EBF3: variants seen among roughly 807,000 people sequenced by gnomAD.
The protein encoded by EBF3 is transcription factor COE3.
EBF3 carries 18 observed loss-of-function variants against 77.1 expected under a neutral mutation model. The observed-to-expected ratio is 0.23, with a 90% CI of 0.16 to 0.35. EBF3 has a LOEUF of 0.35. EBF3 is among the 10% of genes least tolerant of loss of function. The pLI is 1.00. For synonymous variants in EBF3, 350 were observed against 343.5 expected (o/e 1.02, Z -0.21); for missense variants, 558 against 860.0 (o/e 0.65, Z 4.39).
At chr10:129,890,004 G>A (rs71476184) in intron 6 of EBF3, among the ~76,000 whole-genome samples, 1 of 123,752 alleles carries the variant, frequency 8.1e-6, no homozygotes, top group African/African-American at 3.2e-5. Flanking sequence ...ACTTCCCTGA[G>A]AGTCAAAAGC....
chr10:129,923,213 G>A (rs1227511459), intron 6 of EBF3, among the ~76,000 whole-genome samples: 1 of 152,186 alleles, frequency 6.6e-6, no homozygotes, highest in Admixed American at 6.5e-5. Context: ...TGAAGCACTC[G>A]GTGACAGAAG....
chr10:129,958,702 G>T (rs1043263015), intron 5 of EBF3, among the ~76,000 whole-genome samples: 1 of 152,150 alleles, frequency 6.6e-6, no homozygotes, highest in African/African-American at 2.4e-5. Flanking sequence ...GCAACGACAC[G>T]GCCCACATAT....
At chr10:129,942,849 G>C (rs1253566975) in intron 6 of EBF3, among the ~76,000 whole-genome samples, 1 of 152,142 alleles carries the variant, frequency 6.6e-6, no homozygotes, top group South Asian at 2.1e-4. Flanking sequence ...AATCTAAATT[G>C]GGGTGGGAGG....
rs1337732085 is a variant in EBF3, at chr10:129,863,597, G to A, written c.1039+3544C>T. The stretch of plus-strand genomic sequence containing the variant: ...CGTGGGGAAGGTTAAATGTGAGGGT[G>A]TCCCGGCAGCCTCCGGGGCTGGGGG... On this transcript the variant is annotated intron_variant, in intron 10 of 16. Transcript: ENST00000440978. This position sits in a 1 kb window ranked among gnomAD's most constrained non-coding sequence, Gnocchi z 4.0. 6.6e-6 allele frequency among the ~76,000 whole-genome samples: 1 copy of A among 152,244 alleles called. No homozygotes were observed. Among genetic ancestry groups the A allele is most frequent in the Non-Finnish European group, 1.5e-5 (1 of 68,038 alleles).
Position 129,864,818 on chromosome 10 carries a change from C to T in EBF3, c.1039+2323G>A, listed in dbSNP as rs922260800. ...TGGCTCACAAGCAATAATCAACACC[C>T]GCTTTCCTAAGGAGCTCAGGACTCG... On this transcript the variant is annotated intron_variant, in intron 10 of 16. Transcript: ENST00000440978. This position sits in a 1 kb window ranked among gnomAD's most constrained non-coding sequence, Gnocchi z 4.4. 6.6e-6 allele frequency among the ~76,000 whole-genome samples: 1 copy of T among 152,204 alleles called. No individual in the cohort carries two copies. The highest frequency in any genetic ancestry group is 2.1e-4 in the South Asian group (1 of 4,834).
chr10:129,876,885 A>AACC (rs1852809898), intron 7 of EBF3, among the ~76,000 whole-genome samples: 3 of 42,368 alleles, frequency 7.1e-5, no homozygotes, highest in African/African-American at 8.2e-5. Flanking sequence ...TCATCCCTGA[A>AACC]CCCCCCCCCC....
chr10:129,874,928 G>A (rs1263486943), intron 7 of EBF3, among the ~76,000 whole-genome samples: 1 of 152,098 alleles, frequency 6.6e-6, no homozygotes, highest in Non-Finnish European at 1.5e-5. Context: ...CCAGGGGGAG[G>A]GGCGCACGGG....
At chr10:129,945,277 T>C (rs979885909) in intron 6 of EBF3, among the ~76,000 whole-genome samples, 1 of 151,836 alleles carries the variant, frequency 6.6e-6, no homozygotes, top group African/African-American at 2.4e-5. Context: ...AAACCAAAGC[T>C]CTCCCCACAT....
At chr10:129,961,474 T>A (rs779281325) in intron 4 of EBF3, among the ~76,000 whole-genome samples, 1 of 152,170 alleles carries the variant, frequency 6.6e-6, no homozygotes, top group Admixed American at 6.5e-5. Context: ...TGATAGCCAA[T>A]AGTTATCATC....
Position 129,864,432 on chromosome 10 carries a change from G to A in EBF3, c.1039+2709C>T, listed in dbSNP as rs568386562. ...GCAGCACTGGGGACAGAATCCCCAG[G>A]AGACAGCAGGCAAAGTGCAAAGAAA... On this transcript the variant is annotated intron_variant, in intron 10 of 16. Coordinates refer to ENST00000440978, the MANE Select transcript of EBF3 (RefSeq NM_001375380.1). This position sits in a 1 kb window ranked among gnomAD's most constrained non-coding sequence, Gnocchi z 4.4. 1.2e-4 allele frequency among the ~76,000 whole-genome samples: 19 copies of A among 152,308 alleles called. No individual in the cohort carries two copies. Among genetic ancestry groups the A allele is most frequent in the African/African-American group, 3.8e-4 (16 of 41,582 alleles).
intron 6 of EBF3, among the ~76,000 whole-genome samples, chr10:129,890,982 A>C (rs1490431016): frequency 6.6e-6 from 1 of 152,182 alleles, no homozygotes; most frequent in Non-Finnish European, 1.5e-5. Flanking sequence ...TTACCATACA[A>C]ATGGAAAACA....
intron 6 of EBF3, among the ~76,000 whole-genome samples, chr10:129,939,898 T>A (rs530154919): frequency 6.6e-6 from 1 of 152,352 alleles, no homozygotes; most frequent in East Asian, 1.9e-4. Context: ...TACGAGGAGT[T>A]ATGCTAAGAC....
chr10:129,848,593 A>AG lies in EBF3; in HGVS notation c.1040-114dup. ...AGTTCTCCTGCTCTGATGCTCTCTA[A>AG]GGCAAGCACCCCTGAATACTAGCTG... On this transcript the variant is annotated intron_variant, in intron 10 of 16. Transcript: ENST00000440978. This position sits in a 1 kb window ranked among gnomAD's most constrained non-coding sequence, Gnocchi z 4.4. 1 of 1,119,110 alleles carries AG rather than the reference A, an allele frequency of 8.9e-7. No individual in the cohort carries two copies. Among genetic ancestry groups the AG allele is most frequent in the Non-Finnish European group, 1.4e-6 (1 of 734,992 alleles). 69.3% of individuals were successfully genotyped at this position (1,119,110 alleles called of 1,614,324 possible).
At position 129,863,144 on chromosome 10, in the gene EBF3, T is replaced by C. The variant is rs1168940400; in HGVS notation, c.1039+3997A>G. 6.6e-6 allele frequency among the ~76,000 whole-genome samples: 1 copy of C among 152,246 alleles called. No individual in the cohort carries two copies. The highest frequency in any genetic ancestry group is 1.5e-5 in the Non-Finnish European group (1 of 68,032). On this transcript the variant is annotated intron_variant, in intron 10 of 16. Coordinates refer to ENST00000440978, the MANE Select transcript of EBF3 (RefSeq NM_001375380.1). This position sits in a 1 kb window ranked among gnomAD's most constrained non-coding sequence, Gnocchi z 4.0. ...CAATTACATACAGAGTGATTGTTAATTCTGCTCCTAAGTGCTAGCCGCTTG... is the reference window on the plus strand; with the variant it reads ...CAATTACATACAGAGTGATTGTTAACTCTGCTCCTAAGTGCTAGCCGCTTG...
Position 129,879,752 on chromosome 10 carries a change from G to A in EBF3, c.555-1903C>T, listed in dbSNP as rs901624321. On this transcript the variant is annotated intron_variant, in intron 6 of 16. Coordinates refer to ENST00000440978, the MANE Select transcript of EBF3 (RefSeq NM_001375380.1). This position sits in a 1 kb window ranked among gnomAD's most constrained non-coding sequence, Gnocchi z 4.7. ...ACCACTGTGCAATTAAACTCCACAC[G>A]TTCCGCAGCGAGGTAAATGAGGCGC... Among the ~76,000 whole-genome samples the A allele has an allele frequency of 7.2e-5, 11 of 152,232 alleles. No individual in the cohort carries two copies. The East Asian group carries it at 1.2e-3, about 16-fold the overall frequency.
chr10:129,886,889 T>C (rs990186309), intron 6 of EBF3, among the ~76,000 whole-genome samples: 1 of 151,656 alleles, frequency 6.6e-6, no homozygotes, highest in Non-Finnish European at 1.5e-5. Flanking sequence ...CAGGAGACTA[T>C]GTATGAGAGA....
chr10:129,851,912 T>C (rs541356452), intron 10 of EBF3, among the ~76,000 whole-genome samples: 14 of 152,374 alleles, frequency 9.2e-5, no homozygotes, highest in Admixed American at 9.1e-4. Flanking sequence ...ACTGTATTAA[T>C]ATCCATTTGA....
intron 6 of EBF3, among the ~76,000 whole-genome samples, chr10:129,904,690 T>G (rs1855014754): frequency 1.3e-5 from 2 of 151,826 alleles, no homozygotes; most frequent in South Asian, 4.2e-4. Context: ...AACTATATAA[T>G]ACAAATATAT....
At chr10:129,949,360 G>A (rs1858486464) in intron 6 of EBF3, among the ~76,000 whole-genome samples, 1 of 152,184 alleles carries the variant, frequency 6.6e-6, no homozygotes, top group South Asian at 2.1e-4. Context: ...GGGCACTCAG[G>A]GAGGAGCCCC....
Sources: allele counts gnomAD v4.1 joint callset (sites outside exome capture counted in the v4.1 genomes callset), GRCh38; gene constraint gnomAD v4.1.1; non-coding constraint Gnocchi (gnomAD v3.1); transcripts MANE v1.5; gene names NCBI Gene and HGNC (gene_info 2026-07-23, HGNC 2026-07-21).